The following DSTYK variants were observed in gnomAD, a reference collection of about 807,000 sequenced individuals.
DSTYK encodes the protein dual serine/threonine and tyrosine protein kinase.
Under a neutral mutation model 98.7 loss-of-function variants are expected in DSTYK, and 34 were observed. That is an observed-to-expected ratio of 0.34 (90% CI 0.26 to 0.46). DSTYK has a LOEUF of 0.46. Ranked by LOEUF, DSTYK falls within the 20% of genes least tolerant of loss-of-function variation. The pLI, the probability that DSTYK is intolerant of heterozygous loss-of-function variation, is 1.00. For synonymous variants in DSTYK, 462 were observed against 457.3 expected, an observed-to-expected ratio of 1.01 and a Z score of -0.13; for missense variants, 962 against 1,181.7, an observed-to-expected ratio of 0.81 and a Z score of 2.73.
intron 1 of DSTYK, among the ~76,000 whole-genome samples, chr1:205,201,547 A>C (rs1190796389): frequency 6.6e-6 from 1 of 152,150 alleles, no homozygotes; most frequent in Non-Finnish European, 1.5e-5. Context: ...GCCAAAAAAA[A>C]CGCCCTTCCA....
At chr1:205,175,220 C>G (rs984154020) in intron 2 of DSTYK, among the ~76,000 whole-genome samples, 2 of 152,030 alleles carry the variant, frequency 1.3e-5, no homozygotes, top group African/African-American at 4.8e-5. Context: ...CCTGCCTCAG[C>G]CTCCCATGTT....
At chr1:205,197,625 T>A (rs1327256861) in intron 1 of DSTYK, among the ~76,000 whole-genome samples, 4 of 150,356 alleles carry the variant, frequency 2.7e-5, no homozygotes, top group East Asian at 2.0e-4. Flanking sequence ...AAAAAAAAAA[T>A]ACATCAAATA....
At chr1:205,177,273 G>A (rs1015551019) in intron 2 of DSTYK, among the ~76,000 whole-genome samples, 3 of 152,124 alleles carry the variant, frequency 2.0e-5, no homozygotes, top group African/African-American at 4.8e-5. Flanking sequence ...AAAGTTGGTA[G>A]GTAGCAGATG....
intron 2 of DSTYK, 90 bp downstream of exon 2, chr1:205,187,328 T>A (rs576211399): frequency 2.8e-6 from 4 of 1,408,860 alleles, no homozygotes; most frequent in Admixed American, 2.5e-5. Flanking sequence ...GTTCAGACTA[T>A]ATATCATCGA....
intron 1 of DSTYK, among the ~76,000 whole-genome samples, chr1:205,191,912 T>G (rs749754337): frequency 3.3e-5 from 5 of 152,196 alleles, no homozygotes; most frequent in African/African-American, 4.8e-5. Flanking sequence ...GGTAACAGCA[T>G]GGCTTCTCAG....
In DSTYK at chr1:205,163,729, G is replaced by C; in HGVS notation, c.1551C>G (p.Leu517=). Residue 517 remains leucine, a synonymous_variant, in exon 4 of 13, where the codon CTC becomes CTG. Coordinates refer to ENST00000367162, the MANE Select transcript of DSTYK (RefSeq NM_015375.3). ...DVSVHITSNY[L]KQILNAAYHV... ...AAAATCATTCTTTGTCTACCTGTTT[G>C]AGATAATTACTGGTGATGTGAACTG... 6.2e-7 allele frequency: 1 copy of C among 1,612,870 alleles called. No homozygotes were observed. Among genetic ancestry groups the C allele is most frequent in the Non-Finnish European group, 8.5e-7 (1 of 1,179,082 alleles).
At chr1:205,164,465 C>CT (rs11438607) in intron 3 of DSTYK, among the ~76,000 whole-genome samples, 71,807 of 143,242 alleles carry the variant, frequency 0.5, 20,131 homozygotes, top group Non-Finnish European at 0.64. Context: ...ATTTTGTTAG[C>CT]TTTTTTTTTT....
chr1:205,146,392 T>C lies in DSTYK; in HGVS notation c.*1166A>G, dbSNP rs573397607. On this transcript the variant is annotated 3_prime_UTR_variant, in exon 13 of 13. Coordinates refer to ENST00000367162, the MANE Select transcript of DSTYK (RefSeq NM_015375.3). ...CTAAGTACCATGTTATCTGGAGCTTTCCCACTTTGAGATGAAAAGAGGTAA... is the reference window on the plus strand; with the variant it reads ...CTAAGTACCATGTTATCTGGAGCTTCCCCACTTTGAGATGAAAAGAGGTAA... The C allele has an allele frequency of 6.6e-6, 1 of 152,192 alleles. No individual in the cohort carries two copies. Among genetic ancestry groups the C allele is most frequent in the East Asian group, 1.9e-4 (1 of 5,188 alleles). 9.4% of individuals were successfully genotyped at this position (152,192 alleles called of 1,614,324 possible).
At chr1:205,188,230 A>C (rs1356535428) in intron 1 of DSTYK, among the ~76,000 whole-genome samples, 1 of 152,230 alleles carries the variant, frequency 6.6e-6, no homozygotes, top group Non-Finnish European at 1.5e-5. Context: ...ATGTGTCAAA[A>C]TTAAACCCTT....
intron 1 of DSTYK, among the ~76,000 whole-genome samples, chr1:205,199,543 T>A (rs896830209): frequency 4.6e-5 from 7 of 152,194 alleles, no homozygotes; most frequent in African/African-American, 1.4e-4. Flanking sequence ...AAGTTCCAGG[T>A]TCCATAGGAT....
At chr1:205,165,814 C>T (rs756221093) in intron 3 of DSTYK, among the ~76,000 whole-genome samples, 1 of 152,102 alleles carries the variant, frequency 6.6e-6, no homozygotes, top group Non-Finnish European at 1.5e-5. Context: ...GCCTGGCCAA[C>T]ATGGTGAAAC....
intron 2 of DSTYK, among the ~76,000 whole-genome samples, chr1:205,181,656 TTGTGTGTG>T (rs35775611): frequency 0.013 from 1,824 of 142,628 alleles, 34 homozygotes; most frequent in African/African-American, 0.044. Flanking sequence ...ATGTTGGGGT[TTGTGTGTG>T]TGTGTGTGTG....
chr1:205,166,331 CTTTA>C (rs1293106898), intron 3 of DSTYK, among the ~76,000 whole-genome samples: 1 of 152,042 alleles, frequency 6.6e-6, no homozygotes, highest in Non-Finnish European at 1.5e-5. Flanking sequence ...TATGCATTGT[CTTTA>C]TTTAAAAACA....
rs981043890 is a variant in DSTYK at position 205,146,924 on chromosome 1, AC to A, written c.*633del. 1.3e-5 allele frequency: 2 copies of A among 148,588 alleles called. No individual in the cohort carries two copies. Among genetic ancestry groups the A allele is most frequent in the South Asian group, 2.2e-4 (1 of 4,600 alleles). 9.2% of individuals were successfully genotyped at this position (148,588 alleles called of 1,614,324 possible). A position where few individuals can be genotyped will look rare whatever the true frequency, so the allele number is the denominator to read the frequency against. On this transcript the variant is annotated 3_prime_UTR_variant, in exon 13 of 13. Coordinates refer to ENST00000367162, the MANE Select transcript of DSTYK (RefSeq NM_015375.3). Reference sequence around the variant, plus strand: ...GGCCTCTTGGTGATGTAACAGTGAAACCCTCCCCCAGAAACCAGGGATATGT... The same window carrying A: ...GGCCTCTTGGTGATGTAACAGTGAAACCTCCCCCAGAAACCAGGGATATGT...
chr1:205,155,359 A>G (rs1344253087), intron 10 of DSTYK, among the ~76,000 whole-genome samples: 1 of 151,952 alleles, frequency 6.6e-6, no homozygotes, highest in Admixed American at 6.6e-5. Context: ...CAGCCTGACA[A>G]TGTGATAGAA....
intron 1 of DSTYK, among the ~76,000 whole-genome samples, chr1:205,203,348 C>T (rs532458980): frequency 2.3e-4 from 34 of 148,628 alleles, no homozygotes; most frequent in African/African-American, 8.2e-4. Context: ...AGGTGTGGTT[C>T]GCGCGTGCCT....
At chr1:205,193,204 C>T (rs1392838354) in intron 1 of DSTYK, among the ~76,000 whole-genome samples, 8 of 152,158 alleles carry the variant, frequency 5.3e-5, no homozygotes, top group Non-Finnish European at 1.5e-5. Flanking sequence ...CTCTGCTCAA[C>T]AGTCAGTGTG....
chr1:205,169,060 T>G lies in DSTYK; in HGVS notation c.1324+103A>C. On this transcript the variant is annotated intron_variant, in intron 3 of 12. Transcript: ENST00000367162. The surrounding 1 kb of genome is among the most constrained non-coding windows in gnomAD (Gnocchi z 4.0). ...AACAGTGGGGTGGATGAAGTTACCC[T>G]GAGATTCCTTTAACCTTAGGAATTA... is the stretch of plus-strand genomic sequence containing the variant. 2.8e-6 allele frequency: 3 copies of G among 1,061,046 alleles called. No individual in the cohort carries two copies. The highest frequency in any genetic ancestry group is 4.1e-6 in the Non-Finnish European group (3 of 726,918). The allele number at this position is 1,061,046 out of a possible 1,614,324, so 65.7% of individuals were successfully genotyped here.
At chr1:205,184,977 G>A (rs6593928) in intron 2 of DSTYK, among the ~76,000 whole-genome samples, 1,673 of 152,236 alleles carry the variant, frequency 0.011, 28 homozygotes, top group African/African-American at 0.038. Flanking sequence ...GAGGTGGGAG[G>A]ATCACTTATG....
Sources: gnomAD v4.1 joint callset for allele counts (sites outside exome capture counted in the v4.1 genomes callset) on GRCh38, gnomAD v4.1.1 for gene constraint, Gnocchi (gnomAD v3.1) non-coding constraint, MANE v1.5 for transcripts, NCBI Gene and HGNC (gene_info 2026-07-23, HGNC 2026-07-21) for gene names.